Variants in ITGAL observed in about 807,000 individuals in gnomAD.
The protein encoded by ITGAL is integrin alpha-L.
Under a neutral mutation model 138.4 loss-of-function variants are expected in ITGAL, and 68 were observed. The ratio of observed to expected loss-of-function variants is 0.49; its 90% confidence interval spans 0.40 to 0.60. The LOEUF is 0.60. Ranked by LOEUF, ITGAL falls within the 20% of genes least tolerant of loss-of-function variation. ITGAL has a pLI of 0.00. For synonymous variants in ITGAL, 561 were observed against 584.3 expected (o/e 0.96, Z 0.57); for missense variants, 1,256 against 1,478.6 (o/e 0.85, Z 2.47).
At chr16:30,486,906 C>G (rs1482433723) in intron 9 of ITGAL, among the ~76,000 whole-genome samples, 1 of 152,142 alleles carries the variant, frequency 6.6e-6, no homozygotes, top group African/African-American at 2.4e-5. Context: ...AGCAGTCCTC[C>G]CACCTTGACC....
intron 30 of ITGAL, 84 bp downstream of exon 30, chr16:30,520,051 C>A: frequency 2.9e-6 from 3 of 1,030,344 alleles, no homozygotes; most frequent in Non-Finnish European, 4.5e-6. Context: ...AGGAGAATAC[C>A]AAGCCAGAGG....
At chr16:30,510,768 G>A (rs1248792420) in intron 22 of ITGAL, 113 bp from the exon 23 acceptor site, 1 of 846,916 alleles carries the variant, frequency 1.2e-6, no homozygotes, top group Admixed American at 1.8e-5. Flanking sequence ...CAGTGCTTGG[G>A]GTGCAGTGAG....
rs777925711 is a variant in ITGAL, at chr16:30,496,284, A to C, written c.1691A>C (p.Gln564Pro). Residue 564 changes from glutamine (Q) to proline (P), a missense_variant, in exon 14 of 31, where the codon CAG (glutamine) becomes CCG (proline). Gln to Pro is a moderately conservative substitution (Grantham distance 76). Around this residue, in one of 3 missense-constraint regions of ITGAL, gnomAD observed 867 missense variants for 972.5 expected, o/e 0.89. Coordinates refer to ENST00000356798, the MANE Select transcript of ITGAL (RefSeq NM_002209.3). ...GGGAGGCACGGGGGGCTTAGTCCCCAGCCAAGTCAGGTGACGTATGCTGCC... is the reference window on the plus strand; with the variant it reads ...GGGAGGCACGGGGGGCTTAGTCCCCCGCCAAGTCAGGTGACGTATGCTGCC... Reference protein sequence around the residue: ...FNGRHGGLSPQPSQRIEGTQV... With the variant: ...FNGRHGGLSPPPSQRIEGTQV... 2 of 1,599,604 alleles carry C rather than the reference A, an allele frequency of 1.3e-6. No homozygotes were observed. Among genetic ancestry groups the C allele is most frequent in the Non-Finnish European group, 1.7e-6 (2 of 1,171,598 alleles).
chr16:30,488,679 G>A (rs36005832), intron 9 of ITGAL, among the ~76,000 whole-genome samples: 40,369 of 142,780 alleles, frequency 0.28, 7,316 homozygotes, highest in South Asian at 0.63. Context: ...CTCCAGCCTC[G>A]GTGACAGAGA....
At position 30,506,791 on chromosome 16, in the gene ITGAL, T is replaced by G. The variant is rs760605899; in HGVS notation, c.2443T>G (p.Tyr815Asp). Residue 815 changes from tyrosine to aspartate, a missense_variant, in exon 21 of 31, where the codon TAC (tyrosine) becomes GAC (aspartate). Around this residue, in one of 3 missense-constraint regions of ITGAL, gnomAD observed 867 missense variants for 972.5 expected, o/e 0.89. Coordinates refer to ENST00000356798, the MANE Select transcript of ITGAL (RefSeq NM_002209.3). ...LSLSNLEEDA[Y>D]WVQLDLHFPP... Reference sequence around the variant, plus strand: ...CCTGAGTAACTTGGAAGAAGATGCTTACTGGGTCCAGCTGGACCTGCACTT... The same window carrying G: ...CCTGAGTAACTTGGAAGAAGATGCTGACTGGGTCCAGCTGGACCTGCACTT... 2 of 1,613,752 alleles carry G rather than the reference T, an allele frequency of 1.2e-6. No homozygotes were observed. Among genetic ancestry groups the G allele is most frequent in the African/African-American group, 2.7e-5 (2 of 74,890 alleles).
rs375106965 is a variant in ITGAL at position 30,516,732 on chromosome 16, G to A, written c.2863-241G>A. Among the ~76,000 whole-genome samples the A allele has an allele frequency of 7.4e-4, 112 of 152,306 alleles. 3 individuals carry two copies. Among genetic ancestry groups the A allele is most frequent in the African/African-American group, 2.5e-3 (105 of 41,578 alleles). On this transcript the variant is annotated intron_variant, in intron 25 of 30. Transcript: ENST00000356798. ...GCCTTCAGAGATAATATTAGAGCAG[G>A]CCCTTGCAGGGTGTGTGAGAGTGTG...
intron 15 of ITGAL, 186 bp from the exon 16 acceptor site, chr16:30,498,888 G>A (rs2050843122): frequency 1.7e-6 from 1 of 592,926 alleles, no homozygotes; most frequent in Admixed American, 3.0e-5. Flanking sequence ...GCAACAGGGT[G>A]AGACCCTCTC....
At position 30,521,966 on chromosome 16, in the gene ITGAL, A is replaced by C. The variant is rs2051260940; in HGVS notation, c.*301A>C. ...AGAATGTCTGATCTAAATGTGGAGA[A>C]ACTGTAGTCTCAGGACCTAGGGATG... On this transcript the variant is annotated 3_prime_UTR_variant, in exon 31 of 31. Coordinates refer to ENST00000356798, the MANE Select transcript of ITGAL (RefSeq NM_002209.3). The C allele has an allele frequency of 3.0e-6, 1 of 334,988 alleles. No homozygotes were observed. Among genetic ancestry groups the C allele is most frequent in the Non-Finnish European group, 5.6e-6 (1 of 178,994 alleles). The allele number at this position is 334,988 out of a possible 1,614,324, so 20.8% of individuals were successfully genotyped here.
Position 30,510,401 on chromosome 16 carries a change from A to G in ITGAL, c.2549A>G (p.Glu850Gly), listed in dbSNP as rs992466949. The change falls in exon 22 of 31, where the codon GAA becomes GGA. Residue 850 changes from glutamate to glycine, a missense_variant. This residue lies in a region of ITGAL where 867 missense variants were observed against 972.5 expected (regional missense o/e 0.89). Coordinates refer to ENST00000356798, the MANE Select transcript of ITGAL (RefSeq NM_002209.3). ...QIPVSCEELP[E>G]ESRLLSRALS... is the part of the protein sequence containing the mutation. ...CCTGTGAGCTGCGAGGAGCTTCCTG[A>G]AGAGTCCAGGCTTCTGTCCAGGGCA... 3.7e-6 allele frequency: 6 copies of G among 1,613,364 alleles called. No individual in the cohort carries two copies. In the Admixed American group the frequency reaches 8.3e-5, roughly 22 times the overall value.
chr16:30,506,366 A>C (rs990571181), intron 20 of ITGAL, among the ~76,000 whole-genome samples: 3 of 150,252 alleles, frequency 2.0e-5, no homozygotes, highest in Non-Finnish European at 4.4e-5. Flanking sequence ...ATCCTGGCTA[A>C]CACAGTGAAA....
chr16:30,472,856 A>G lies in ITGAL; in HGVS notation c.19A>G (p.Thr7Ala), dbSNP rs1373843031. The G allele has an allele frequency of 1.9e-6, 3 of 1,612,882 alleles. No homozygotes were observed. In the East Asian group the frequency reaches 6.7e-5, roughly 36 times the overall value. The change falls in exon 1 of 31, where the codon ACT (threonine) becomes GCT (alanine). Residue 7 changes from threonine to alanine, a missense_variant. Coordinates refer to ENST00000356798, the MANE Select transcript of ITGAL (RefSeq NM_002209.3). The part of the protein sequence containing the change: MKDSCI[T>A]VMAMALLSGF... ...TGGAAGGATGAAGGATTCCTGCATCACTGTGATGGCCATGGCGCTGCTGTC... is the reference window on the plus strand; with the variant it reads ...TGGAAGGATGAAGGATTCCTGCATCGCTGTGATGGCCATGGCGCTGCTGTC...
chr16:30,520,074 G>A (rs1478477912), intron 30 of ITGAL, 107 bp downstream of exon 30: 11 of 799,324 alleles, frequency 1.4e-5, no homozygotes, highest in African/African-American at 3.4e-5. Flanking sequence ...ATAAGAGCCA[G>A]GGGGCCTCAG....
intron 25 of ITGAL, among the ~76,000 whole-genome samples, chr16:30,515,949 G>A (rs180844389): frequency 6.6e-6 from 1 of 151,452 alleles, no homozygotes; most frequent in African/African-American, 2.4e-5. Context: ...TCCAGCCTGG[G>A]TGACAGAGTG....
chr16:30,511,812 T>C (rs925959213), intron 24 of ITGAL, among the ~76,000 whole-genome samples: 10 of 152,218 alleles, frequency 6.6e-5, no homozygotes, highest in Admixed American at 2.6e-4. Context: ...AACTGAACTC[T>C]GGTCTGGCTG....
At chr16:30,490,859 A>G (rs1325647420) in intron 11 of ITGAL, among the ~76,000 whole-genome samples, 1 of 151,962 alleles carries the variant, frequency 6.6e-6, no homozygotes, top group Non-Finnish European at 1.5e-5. Context: ...AGTCCCAGCT[A>G]CTTGGGAGGC....
intron 13 of ITGAL, among the ~76,000 whole-genome samples, chr16:30,495,371 G>C (rs1233692563): frequency 6.6e-6 from 1 of 152,038 alleles, no homozygotes; most frequent in Non-Finnish European, 1.5e-5. Flanking sequence ...TGTGGGCCAG[G>C]CTGGTCTCTA....
At chr16:30,507,415 G>A (rs1428508888) in intron 21 of ITGAL, among the ~76,000 whole-genome samples, 2 of 148,432 alleles carry the variant, frequency 1.3e-5, no homozygotes, top group Non-Finnish European at 3.0e-5. Context: ...AGCCGAGATC[G>A]CGCCACTGCA....
Position 30,505,234 on chromosome 16 carries a change from C to G in ITGAL, c.2236-10C>G. 1 of 1,589,476 alleles carries G rather than the reference C, an allele frequency of 6.3e-7. No individual in the cohort carries two copies. The highest frequency in any genetic ancestry group is 1.3e-5 in the African/African-American group (1 of 74,494). ...TCCTCTCTCCATCCTGCCCACTACCCCTCGCTCAGCAGGGCAAGGACATAC... is the reference window on the plus strand; with the variant it reads ...TCCTCTCTCCATCCTGCCCACTACCGCTCGCTCAGCAGGGCAAGGACATAC... On this transcript the variant is annotated splice_polypyrimidine_tract_variant and intron_variant, in intron 18 of 30. Coordinates refer to ENST00000356798, the MANE Select transcript of ITGAL (RefSeq NM_002209.3).
Position 30,511,041 on chromosome 16 carries a change from C to T in ITGAL, c.2700-9C>T. On this transcript the variant is annotated splice_polypyrimidine_tract_variant and intron_variant, in intron 23 of 30. Coordinates refer to ENST00000356798, the MANE Select transcript of ITGAL (RefSeq NM_002209.3). The stretch of plus-strand genomic sequence containing the variant: ...TCCTAACACTGGCCTCTTCCTTGCC[C>T]CAATGCAGTAACAATGAGGACTCAG... 6.2e-7 allele frequency: 1 copy of T among 1,613,404 alleles called. No individual in the cohort carries two copies. The highest frequency in any genetic ancestry group is 8.5e-7 in the Non-Finnish European group (1 of 1,179,386).
Sources: allele counts gnomAD v4.1 joint callset (sites outside exome capture counted in the v4.1 genomes callset), GRCh38; gene constraint gnomAD v4.1.1; regional missense constraint gnomAD v4.1.1; transcripts MANE v1.5; gene names NCBI Gene and HGNC (gene_info 2026-07-23, HGNC 2026-07-21).